The following SGCZ variants were observed in gnomAD, a reference collection of about 807,000 sequenced individuals.
The protein encoded by SGCZ is zeta-sarcoglycan.
A neutral mutation model predicts 41.3 loss-of-function variants in SGCZ; 40 were observed. The observed-to-expected ratio is 0.97, with a 90% confidence interval of 0.75 to 1.26. The LOEUF is 1.26. Among genes scored for constraint, SGCZ ranks in the 50% most tolerant of loss-of-function variants. SGCZ has a pLI of 0.00. For missense variants in SGCZ, 552 were observed against 369.8 expected (o/e 1.49, Z -4.04); for synonymous variants, 206 against 137.5 (o/e 1.50, Z -3.49).
intron 1 of SGCZ, among the ~76,000 whole-genome samples, chr8:14,937,801 G>C (rs1422415396): frequency 6.6e-6 from 1 of 151,896 alleles, no homozygotes; most frequent in Non-Finnish European, 1.5e-5. Context: ...ATTCATAAAT[G>C]AATGCAGATT....
At chr8:14,105,685 C>G (rs1243199356) in intron 6 of SGCZ, among the ~76,000 whole-genome samples, 4 of 151,850 alleles carry the variant, frequency 2.6e-5, no homozygotes, top group Non-Finnish European at 5.9e-5. Flanking sequence ...GCTGATAAAT[C>G]CAGCTTAGTG....
chr8:15,075,194 T>C (rs946654243), intron 1 of SGCZ, among the ~76,000 whole-genome samples: 4 of 150,036 alleles, frequency 2.7e-5, no homozygotes, highest in African/African-American at 9.9e-5. Context: ...TTATTTGTTT[T>C]GGAATACAAT....
intron 1 of SGCZ, among the ~76,000 whole-genome samples, chr8:14,751,905 T>A (rs4403410): frequency 6.7e-6 from 1 of 149,886 alleles, no homozygotes; most frequent in Non-Finnish European, 1.5e-5. Flanking sequence ...GCACTCCAGC[T>A]TGGGCTACAG....
At position 14,203,359 on chromosome 8, in the gene SGCZ, C is replaced by T. The variant is rs78553479; in HGVS notation, c.424+34233G>A. Among the ~76,000 whole-genome samples the T allele has an allele frequency of 1.6e-3, 239 of 152,140 alleles. 2 individuals carry two copies. Among genetic ancestry groups the T allele is most frequent in the African/African-American group, 5.4e-3 (226 of 41,508 alleles). On this transcript the variant is annotated intron_variant, in intron 4 of 7. Coordinates refer to ENST00000382080, the MANE Select transcript of SGCZ (RefSeq NM_139167.4). The stretch of plus-strand genomic sequence containing the variant: ...TACGTTCATAAATGAGAAATTTTAT[C>T]GGAGCTAAAGATAAGCTAATTATTT...
At chr8:14,992,062 C>T (rs899519805) in intron 1 of SGCZ, among the ~76,000 whole-genome samples, 2 of 151,120 alleles carry the variant, frequency 1.3e-5, no homozygotes, top group African/African-American at 2.4e-5. Context: ...CAATGTTACC[C>T]TTGATATTTA....
rs145003668 is a variant in SGCZ, at chr8:14,146,108, A to G, written c.547+18472T>C. Among the ~76,000 whole-genome samples, 19 of 152,300 alleles carry G rather than the reference A, an allele frequency of 1.2e-4. No individual in the cohort carries two copies. In the East Asian group the frequency reaches 3.3e-3, roughly 26 times the overall value. ...ACAAGAAGGTTATACAACACCAAGC[A>G]GATTCAACCCAAAGAAGGGTTAAAC... On this transcript the variant is annotated intron_variant, in intron 5 of 7. Coordinates refer to ENST00000382080, the MANE Select transcript of SGCZ (RefSeq NM_139167.4).
At chr8:14,907,901 T>C (rs1799167239) in intron 1 of SGCZ, among the ~76,000 whole-genome samples, 1 of 152,102 alleles carries the variant, frequency 6.6e-6, no homozygotes. Flanking sequence ...AATAACCATT[T>C]GAGGAGAAAG....
chr8:14,817,277 G>C (rs1801934624), intron 1 of SGCZ, among the ~76,000 whole-genome samples: 1 of 152,080 alleles, frequency 6.6e-6, no homozygotes, highest in African/African-American at 2.4e-5. Context: ...CAGCATCATG[G>C]AGGATTTTGT....
At chr8:14,543,851 A>G (rs1402274314) in intron 2 of SGCZ, among the ~76,000 whole-genome samples, 1 of 152,118 alleles carries the variant, frequency 6.6e-6, no homozygotes, top group Admixed American at 6.6e-5. Flanking sequence ...TTGACTACAT[A>G]TTTGACTACT....
intron 1 of SGCZ, among the ~76,000 whole-genome samples, chr8:14,819,881 G>T (rs182990906): frequency 6.6e-6 from 1 of 152,006 alleles, no homozygotes; most frequent in African/African-American, 2.4e-5. Flanking sequence ...ATAATAAAGA[G>T]AAAGGAAACA....
chr8:15,133,458 T>C (rs187110053), intron 1 of SGCZ, among the ~76,000 whole-genome samples: 54 of 152,314 alleles, frequency 3.5e-4, no homozygotes, highest in African/African-American at 1.3e-3. Context: ...CTACGTCTTT[T>C]CTGGCTGAAA....
chr8:15,070,858 A>G (rs183918004), intron 1 of SGCZ, among the ~76,000 whole-genome samples: 166 of 152,328 alleles, frequency 1.1e-3, no homozygotes, highest in African/African-American at 3.7e-3. Flanking sequence ...GATTTGCTAT[A>G]GAAACACTGA....
intron 1 of SGCZ, among the ~76,000 whole-genome samples, chr8:15,144,285 T>A (rs917755446): frequency 6.6e-6 from 1 of 152,244 alleles, no homozygotes; most frequent in Non-Finnish European, 1.5e-5. Context: ...ATCCTATATA[T>A]CTTTGTTATA....
At chr8:14,903,864 G>A (rs1563351817) in intron 1 of SGCZ, among the ~76,000 whole-genome samples, 1 of 151,922 alleles carries the variant, frequency 6.6e-6, no homozygotes, top group Non-Finnish European at 1.5e-5. Flanking sequence ...GATTTAAATA[G>A]AATAAATATA....
At chr8:14,449,616 T>G (rs1005014452) in intron 2 of SGCZ, among the ~76,000 whole-genome samples, 4 of 152,164 alleles carry the variant, frequency 2.6e-5, no homozygotes, top group African/African-American at 7.2e-5. Flanking sequence ...CTCCACAGTA[T>G]GAAGCATCCT....
chr8:14,948,536 T>A (rs1800529967), intron 1 of SGCZ, among the ~76,000 whole-genome samples: 1 of 152,096 alleles, frequency 6.6e-6, no homozygotes, highest in East Asian at 1.9e-4. Flanking sequence ...CTTCTTCCCT[T>A]CTCAATAAAA....
intron 1 of SGCZ, among the ~76,000 whole-genome samples, chr8:14,631,578 G>C (rs1585139799): frequency 6.6e-6 from 1 of 152,094 alleles, no homozygotes; most frequent in Middle Eastern, 3.2e-3. Flanking sequence ...GTCTCAGATT[G>C]AGGAAAGCAG....
intron 5 of SGCZ, among the ~76,000 whole-genome samples, chr8:14,134,639 G>A (rs547450204): frequency 4.6e-5 from 7 of 152,228 alleles, no homozygotes; most frequent in Admixed American, 1.3e-4. Flanking sequence ...AGCACTGTTC[G>A]CTTCTTGGTA....
At chr8:15,233,109 T>C (rs981299754) in intron 1 of SGCZ, among the ~76,000 whole-genome samples, 2 of 151,776 alleles carry the variant, frequency 1.3e-5, no homozygotes, top group African/African-American at 4.8e-5. Context: ...GTGAAACAAG[T>C]CAAATAATTC....
Sources: allele counts gnomAD v4.1 joint callset (sites outside exome capture counted in the v4.1 genomes callset), GRCh38; gene constraint gnomAD v4.1.1; transcripts MANE v1.5; gene names NCBI Gene and HGNC (gene_info 2026-07-23, HGNC 2026-07-21).